The following G2E3 variants were observed in gnomAD, a reference collection of about 807,000 sequenced individuals.
The protein encoded by G2E3 is G2/M-phase specific E3 ubiquitin protein ligase.
A neutral mutation model predicts 92.8 loss-of-function variants in G2E3; 35 were observed. The observed-to-expected ratio is 0.38, with a 90% CI of 0.29 to 0.50. The LOEUF is 0.50. Ranked by LOEUF, G2E3 falls within the 20% of genes least tolerant of loss-of-function variation. The pLI is 0.94. For missense variants in G2E3, 554 were observed against 823.8 expected (o/e 0.67, Z 4.01); for synonymous variants, 242 against 272.4 (o/e 0.89, Z 1.10).
At chr14:30,568,790 A>C in intron 1 of G2E3, among the ~76,000 whole-genome samples, 2 of 152,262 alleles carry the variant, frequency 1.3e-5, no homozygotes, top group South Asian at 4.1e-4. Context: ...TATTTATTTT[A>C]CGTGTTTTTC....
chr14:30,608,085 G>T lies in G2E3; in HGVS notation c.1500+16G>T. ...TATAATCAGGGTAAGCAATGTATCTGTTTATTAAAATGCACACTACATTCT... is the reference window on the plus strand; with the variant it reads ...TATAATCAGGGTAAGCAATGTATCTTTTTATTAAAATGCACACTACATTCT... On this transcript the variant is annotated intron_variant, in intron 12 of 14. Coordinates refer to ENST00000206595, the MANE Select transcript of G2E3 (RefSeq NM_017769.5). The T allele has an allele frequency of 6.8e-7, 1 of 1,464,326 alleles. No individual in the cohort carries two copies. The highest frequency in any genetic ancestry group is 1.4e-5 in the South Asian group (1 of 73,384). 90.7% of individuals were successfully genotyped at this position (1,464,326 alleles called of 1,614,324 possible).
rs768926768 is a variant in G2E3 at position 30,617,595 on chromosome 14, A to G, written c.*1061A>G. On this transcript the variant is annotated 3_prime_UTR_variant, in exon 15 of 15. Coordinates refer to ENST00000206595, the MANE Select transcript of G2E3 (RefSeq NM_017769.5). ...CAGTTATCTTCATTGCTCTTGAATG[A>G]TATCTGTTATATAAGCAATGTATAA... 6 of 152,104 alleles carry G rather than the reference A, an allele frequency of 3.9e-5. No individual in the cohort carries two copies. Among genetic ancestry groups the G allele is most frequent in the Non-Finnish European group, 8.8e-5 (6 of 67,984 alleles). The allele number at this position is 152,104 out of a possible 1,614,324, so 9.4% of individuals were successfully genotyped here.
intron 3 of G2E3, 132 bp downstream of exon 3, chr14:30,586,947 T>C (rs1039824780): frequency 1.5e-5 from 6 of 401,676 alleles, no homozygotes; most frequent in East Asian, 7.6e-5. Context: ...TCTCTAAAAA[T>C]AGACATTTTG....
intron 1 of G2E3, among the ~76,000 whole-genome samples, chr14:30,575,815 G>C (rs1880048925): frequency 6.6e-6 from 1 of 152,110 alleles, no homozygotes; most frequent in Non-Finnish European, 1.5e-5. Context: ...TAACAAGGGA[G>C]GTGAAAGATC....
At chr14:30,595,952 G>A (rs1166784136) in intron 6 of G2E3, among the ~76,000 whole-genome samples, 2 of 151,966 alleles carry the variant, frequency 1.3e-5, no homozygotes, top group South Asian at 2.1e-4. Flanking sequence ...AGTCTTGTTG[G>A]TATCTTCCAT....
At chr14:30,577,957 T>C (rs1054702976) in intron 1 of G2E3, 7 of 152,234 alleles carry the variant, frequency 4.6e-5, no homozygotes, top group Admixed American at 2.6e-4. Context: ...CAGTCTGTTA[T>C]TAAGACTTGG....
chr14:30,563,636 G>T (rs933270990), intron 1 of G2E3, among the ~76,000 whole-genome samples: 2 of 151,710 alleles, frequency 1.3e-5, no homozygotes, highest in African/African-American at 4.8e-5. Context: ...GATGACATCT[G>T]TTTCCTGGGG....
At chr14:30,601,177 A>C (rs780838538) in intron 8 of G2E3, among the ~76,000 whole-genome samples, 11 of 152,002 alleles carry the variant, frequency 7.2e-5, no homozygotes, top group Non-Finnish European at 1.2e-4. Context: ...ACCCAACAAA[A>C]AGGCTGGAGC....
chr14:30,591,600 G>A (rs1466196562), intron 4 of G2E3, among the ~76,000 whole-genome samples: 2 of 152,058 alleles, frequency 1.3e-5, no homozygotes, highest in Non-Finnish European at 2.9e-5. Context: ...GAGTACCTTG[G>A]CTTGTGGCAG....
intron 8 of G2E3, among the ~76,000 whole-genome samples, chr14:30,601,021 C>G (rs754560369): frequency 6.6e-6 from 1 of 152,164 alleles, no homozygotes; most frequent in Non-Finnish European, 1.5e-5. Flanking sequence ...CACACACATA[C>G]ACAGGACAGA....
Position 30,607,874 on chromosome 14 carries a change from A to T in G2E3, c.1319-14A>T, listed in dbSNP as rs229229. On this transcript the variant is annotated splice_polypyrimidine_tract_variant and intron_variant, in intron 11 of 14. Coordinates refer to ENST00000206595, the MANE Select transcript of G2E3 (RefSeq NM_017769.5). Reference sequence around the variant, plus strand: ...ATAGAAGTGTATTTGATATATTTTCATCTGTATTTACAGCTCTGAAAGAGA... The same window carrying T: ...ATAGAAGTGTATTTGATATATTTTCTTCTGTATTTACAGCTCTGAAAGAGA... 3 of 1,472,218 alleles carry T rather than the reference A, an allele frequency of 2.0e-6. No individual in the cohort carries two copies. The East Asian group carries it at 6.9e-5, about 34-fold the overall frequency. The allele number at this position is 1,472,218 out of a possible 1,614,324, so 91.2% of individuals were successfully genotyped here.
chr14:30,581,222 G>C (rs1312819341), intron 2 of G2E3, 106 bp downstream of exon 2: 32 of 693,788 alleles, frequency 4.6e-5, no homozygotes, highest in Middle Eastern at 3.5e-4. Context: ...AGCTTAGTTT[G>C]TATGTCCACA....
At chr14:30,564,054 A>T (rs962028040) in intron 1 of G2E3, among the ~76,000 whole-genome samples, 2 of 152,168 alleles carry the variant, frequency 1.3e-5, no homozygotes, top group Non-Finnish European at 2.9e-5. Context: ...TTTTGTTTTA[A>T]ATAAAAATTG....
chr14:30,607,297 T>C (rs1332134486), intron 11 of G2E3, among the ~76,000 whole-genome samples: 1 of 152,146 alleles, frequency 6.6e-6, no homozygotes, highest in East Asian at 1.9e-4. Flanking sequence ...CTGAGAAATG[T>C]GTCAGTAGGC....
intron 1 of G2E3, among the ~76,000 whole-genome samples, chr14:30,563,750 TC>T (rs1180355953): frequency 6.7e-6 from 1 of 149,104 alleles, no homozygotes; most frequent in African/African-American, 2.5e-5. Context: ...ATATAGAGTC[TC>T]ACTCTGTTGC....
chr14:30,600,767 A>G (rs1881530050), intron 8 of G2E3, among the ~76,000 whole-genome samples: 1 of 152,186 alleles, frequency 6.6e-6, no homozygotes, highest in Non-Finnish European at 1.5e-5. Context: ...GCATGTCTGA[A>G]GCTAGATAAA....
intron 1 of G2E3, among the ~76,000 whole-genome samples, chr14:30,574,314 A>G (rs910675160): frequency 1.6e-4 from 25 of 152,116 alleles, no homozygotes; most frequent in South Asian, 2.1e-4. Context: ...GTTTTGGTCA[A>G]TTGCCTCGGT....
chr14:30,592,466 A>G lies in G2E3; in HGVS notation c.362+19A>G, dbSNP rs778573644. 6.5e-7 allele frequency: 1 copy of G among 1,540,008 alleles called. No homozygotes were observed. The highest frequency in any genetic ancestry group is 8.8e-7 in the Non-Finnish European group (1 of 1,141,262). On this transcript the variant is annotated intron_variant, in intron 5 of 14. Coordinates refer to ENST00000206595, the MANE Select transcript of G2E3 (RefSeq NM_017769.5). ...ATTTTGCGTGAGTTATTTAACTGTTAAATATGAAAGTTCAGTGTTAAAGAA... is the reference window on the plus strand; with the variant it reads ...ATTTTGCGTGAGTTATTTAACTGTTGAATATGAAAGTTCAGTGTTAAAGAA...
chr14:30,567,645 C>T (rs995506120), intron 1 of G2E3, among the ~76,000 whole-genome samples: 1 of 151,410 alleles, frequency 6.6e-6, no homozygotes, highest in African/African-American at 2.4e-5. Context: ...ATTACATTAT[C>T]TGGACTCTAA....
Sources: allele counts gnomAD v4.1 joint callset (sites outside exome capture counted in the v4.1 genomes callset), GRCh38; gene constraint gnomAD v4.1.1; transcripts MANE v1.5; gene names NCBI Gene and HGNC (gene_info 2026-07-23, HGNC 2026-07-21).